Variants in IL1RAPL1 observed in about 807,000 individuals in gnomAD.
The protein encoded by IL1RAPL1 is interleukin 1 receptor accessory protein like 1.
A neutral mutation model predicts 48.4 loss-of-function variants in IL1RAPL1; 3 were observed. That is an observed-to-expected ratio of 0.06 (90% CI 0.03 to 0.16). IL1RAPL1 has a LOEUF of 0.16. IL1RAPL1 is among the 10% of genes least tolerant of loss of function. The pLI is 1.00. For missense variants in IL1RAPL1, 349 were observed against 530.6 expected, an observed-to-expected ratio of 0.66 and a Z score of 3.36; for synonymous variants, 185 against 187.7, an observed-to-expected ratio of 0.99 and a Z score of 0.12.
At chrX:28,800,743 AGG>A (rs1936662755) in intron 2 of IL1RAPL1, among the ~76,000 whole-genome samples, 1 of 111,308 alleles carries the variant, frequency 9.0e-6, no homozygotes, top group Non-Finnish European at 1.9e-5. Flanking sequence ...AGGAAAATGT[AGG>A]GGTGGAGAGA....
Position 28,955,070 on chromosome X carries a change from T to G in IL1RAPL1, c.82+165645T>G, listed in dbSNP as rs551311737. 5.4e-5 allele frequency among the ~76,000 whole-genome samples: 6 copies of G among 111,931 alleles called. No individual in the cohort carries two copies. The South Asian group carries it at 2.2e-3, about 41-fold the overall frequency. ...TTTAAATGTTTTATGCAGAAATCCT[T>G]GATGGATTATTAGTTGTTAGACTAT... On this transcript the variant is annotated intron_variant, in intron 2 of 10. Coordinates refer to ENST00000378993, the MANE Select transcript of IL1RAPL1 (RefSeq NM_014271.4).
chrX:29,453,062 T>G (rs1934698415), intron 5 of IL1RAPL1, among the ~76,000 whole-genome samples: 1 of 107,873 alleles, frequency 9.3e-6, no homozygotes, highest in East Asian at 2.9e-4. Context: ...GTAGCTGGGA[T>G]TACAGGCGCC....
At chrX:29,252,122 A>G (rs1884290095) in intron 2 of IL1RAPL1, among the ~76,000 whole-genome samples, 1 of 102,063 alleles carries the variant, frequency 9.8e-6, no homozygotes, top group African/African-American at 3.7e-5. Context: ...TTGTGGGGTA[A>G]GGGGAGGGGG....
chrX:29,673,000 A>G (rs1466337538), intron 6 of IL1RAPL1, among the ~76,000 whole-genome samples: 2 of 111,849 alleles, frequency 1.8e-5, no homozygotes, highest in Non-Finnish European at 1.9e-5. Flanking sequence ...AATATATGCA[A>G]TTTTATCCAG....
At chrX:28,729,558 T>G (rs1246265959) in intron 1 of IL1RAPL1, among the ~76,000 whole-genome samples, 1 of 110,957 alleles carries the variant, frequency 9.0e-6, no homozygotes, top group Non-Finnish European at 1.9e-5. Context: ...CAAAGAAGCT[T>G]TACCTAATAA....
intron 2 of IL1RAPL1, among the ~76,000 whole-genome samples, chrX:28,863,604 A>G (rs1306980135): frequency 9.0e-6 from 1 of 111,318 alleles, no homozygotes. Context: ...AAATGTAGAA[A>G]CACATCTAAA....
At chrX:28,595,510 A>G (rs1433186320) in intron 1 of IL1RAPL1, among the ~76,000 whole-genome samples, 2 of 112,031 alleles carry the variant, frequency 1.8e-5, no homozygotes, top group Non-Finnish European at 3.8e-5. Context: ...TGTGGAGGAC[A>G]TACTTTTGTT....
chrX:28,817,707 C>T (rs772178802), intron 2 of IL1RAPL1, among the ~76,000 whole-genome samples: 1 of 111,176 alleles, frequency 9.0e-6, no homozygotes, highest in African/African-American at 3.3e-5. Context: ...TGACTTTTGT[C>T]CCAAGTGCAC....
intron 3 of IL1RAPL1, among the ~76,000 whole-genome samples, chrX:29,320,864 A>G (rs781148532): frequency 9.0e-6 from 1 of 111,222 alleles, no homozygotes; most frequent in East Asian, 2.8e-4. Flanking sequence ...AATCATGCAT[A>G]GAGGAAATTG....
chrX:28,738,978 G>T (rs955950903), intron 1 of IL1RAPL1, among the ~76,000 whole-genome samples: 1 of 110,694 alleles, frequency 9.0e-6, no homozygotes, highest in Non-Finnish European at 1.9e-5. Context: ...GTCCCATCTT[G>T]TAGTCTCAAT....
At chrX:29,899,626 C>G (rs1203184355) in intron 6 of IL1RAPL1, among the ~76,000 whole-genome samples, 1 of 108,645 alleles carries the variant, frequency 9.2e-6, no homozygotes, top group Non-Finnish European at 1.9e-5. Context: ...TCACTGCAGC[C>G]TCCCCCTCCT....
At chrX:28,934,413 G>A (rs970441324) in intron 2 of IL1RAPL1, among the ~76,000 whole-genome samples, 2 of 110,673 alleles carry the variant, frequency 1.8e-5, no homozygotes, top group African/African-American at 6.6e-5. Flanking sequence ...TGCCTTTAAA[G>A]TGTACAATTA....
intron 5 of IL1RAPL1, among the ~76,000 whole-genome samples, chrX:29,504,936 T>C (rs1170943427): frequency 8.9e-6 from 1 of 111,995 alleles, no homozygotes; most frequent in Non-Finnish European, 1.9e-5. Flanking sequence ...TCTTCCTTTA[T>C]GGTTAAGTGA....
At chrX:28,679,949 G>A (rs1434661625) in intron 1 of IL1RAPL1, among the ~76,000 whole-genome samples, 2 of 111,149 alleles carry the variant, frequency 1.8e-5, no homozygotes, top group African/African-American at 6.5e-5. Flanking sequence ...GAGTCTTTGT[G>A]GTTCTATATG....
In IL1RAPL1 at chrX:29,479,666, G is replaced by A. The variant is rs187218684; in HGVS notation, c.703+80358G>A. On this transcript the variant is annotated intron_variant, in intron 5 of 10. Coordinates refer to ENST00000378993, the MANE Select transcript of IL1RAPL1 (RefSeq NM_014271.4). ...TAATGTAGTCTTTTATCCCTCACCC[G>A]CCTCCCAACGTTCCCCCCCAGTCCC... Among the ~76,000 whole-genome samples the A allele has an allele frequency of 3.6e-4, 39 of 108,860 alleles. 1 individual carries two copies. Among genetic ancestry groups the A allele is most frequent in the African/African-American group, 1.0e-3 (31 of 29,795 alleles). 94.5% of individuals were successfully genotyped at this position (108,860 alleles called of 115,157 possible). A position where few individuals can be genotyped will look rare whatever the true frequency, so the allele number is the denominator to read the frequency against.
intron 2 of IL1RAPL1, among the ~76,000 whole-genome samples, chrX:29,057,424 T>G (rs1164105601): frequency 9.3e-6 from 1 of 108,008 alleles, no homozygotes. Flanking sequence ...TACTTTTTTT[T>G]TTTCTTTTTT....
chrX:29,441,677 C>T (rs755775697), intron 5 of IL1RAPL1, among the ~76,000 whole-genome samples: 2 of 111,646 alleles, frequency 1.8e-5, no homozygotes, highest in South Asian at 7.4e-4. Context: ...TACTTATATC[C>T]GTAAAATCCT....
intron 3 of IL1RAPL1, among the ~76,000 whole-genome samples, chrX:29,375,281 C>T (rs1444952453): frequency 9.6e-6 from 1 of 104,494 alleles, no homozygotes; most frequent in East Asian, 3.0e-4. Context: ...CGTGCCTTAG[C>T]CTCCTGAGTA....
At chrX:29,651,610 G>A (rs1925520283) in intron 5 of IL1RAPL1, among the ~76,000 whole-genome samples, 1 of 111,168 alleles carries the variant, frequency 9.0e-6, no homozygotes, top group East Asian at 2.8e-4. Context: ...GATACCAGAG[G>A]CTGGGGTGGC....
Sources: allele counts gnomAD v4.1 joint callset (sites outside exome capture counted in the v4.1 genomes callset), GRCh38; gene constraint gnomAD v4.1.1; transcripts MANE v1.5; gene names NCBI Gene and HGNC (gene_info 2026-07-23, HGNC 2026-07-21).